The following RAB44 variants were observed in gnomAD, a reference collection of about 807,000 sequenced individuals.
RAB44 encodes ras-related protein Rab-44.
A neutral mutation model predicts 93.3 loss-of-function variants in RAB44; 67 were observed. That is an observed-to-expected ratio of 0.72 (90% CI 0.59 to 0.88). RAB44 has a LOEUF of 0.88. RAB44 is among the 40% of genes least tolerant of loss of function. The pLI, the probability that RAB44 is intolerant of heterozygous loss-of-function variation, is 0.00. For missense variants in RAB44, 1,064 were observed against 1,261.7 expected (o/e 0.84, Z 2.37); for synonymous variants, 427 against 520.3 (o/e 0.82, Z 2.44).
chr6:36,715,495 C>T lies in RAB44; in HGVS notation c.336C>T (p.Ser112=), dbSNP rs1042185721. ...GTCCCACAGAAAACATCTTTGGCTC[C>T]AGCCAGAGCCCCCACAGGCTCCGCA... ...FSSGLKNIFG[S]SQSPHRLRRR... is the part of the protein sequence containing the mutation. Residue 112 remains serine, a synonymous_variant, in exon 4 of 14, where the codon TCC becomes TCT. Transcript: ENST00000612677. The T allele has an allele frequency of 1.2e-5, 19 of 1,536,022 alleles. No individual in the cohort carries two copies. In the African/African-American group the frequency reaches 2.6e-4, roughly 21 times the overall value.
chr6:36,728,939 C>G, intron 12 of RAB44, 138 bp downstream of exon 12: 3 of 714,074 alleles, frequency 4.2e-6, no homozygotes, highest in Non-Finnish European at 7.3e-6. Context: ...CAACCAAAGG[C>G]CTGTTCAGAG....
At chr6:36,701,167 T>G (rs12526877) in intron 1 of RAB44, among the ~76,000 whole-genome samples, 76,579 of 152,064 alleles carry the variant, frequency 0.5, 19,517 homozygotes, top group East Asian at 0.63. Flanking sequence ...TAGAGTGCAG[T>G]GGTGCAATCT....
intron 9 of RAB44, among the ~76,000 whole-genome samples, chr6:36,724,690 AACC>A (rs1205482062): frequency 6.6e-6 from 1 of 151,958 alleles, no homozygotes; most frequent in Admixed American, 6.6e-5. Context: ...CCAACCAACC[AACC>A]AACCAGGCAA....
intron 2 of RAB44, 29 bp downstream of exon 2, chr6:36,704,471 G>A (rs1344654530): frequency 2.0e-6 from 3 of 1,523,232 alleles, no homozygotes; most frequent in Non-Finnish European, 2.6e-6. Context: ...TTTGAATGCT[G>A]AATCCCTTTT....
Position 36,715,536 on chromosome 6 carries a change from C to A in RAB44, c.377C>A (p.Pro126His), listed in dbSNP as rs1455220582. 4 of 1,536,164 alleles carry A rather than the reference C, an allele frequency of 2.6e-6. No homozygotes were observed. In the East Asian group the frequency reaches 9.8e-5, roughly 38 times the overall value. The change falls in exon 4 of 14, where the codon CCC (proline) becomes CAC (histidine). Residue 126 changes from proline (P) to histidine (H), a missense_variant. Transcript: ENST00000612677. ...AGGCTCCGCAGAAGGAAGCCACTGC[C>A]CTCTAAGCGGGTATCTGCTACCACC... ...PHRLRRRKPL[P>H]SKRVSATTSF...
At chr6:36,719,064 C>T (rs1763002988) in intron 7 of RAB44, among the ~76,000 whole-genome samples, 1 of 152,120 alleles carries the variant, frequency 6.6e-6, no homozygotes, top group African/African-American at 2.4e-5. Flanking sequence ...GGACTACAGG[C>T]GCCCATCACT....
At chr6:36,706,287 G>C (rs909364705) in intron 2 of RAB44, among the ~76,000 whole-genome samples, 1 of 152,168 alleles carries the variant, frequency 6.6e-6, no homozygotes, top group African/African-American at 2.4e-5. Context: ...CCTGGGATGT[G>C]GGACTTCGAG....
At position 36,721,258 on chromosome 6, in the gene RAB44, G is replaced by A. The variant is rs1165690114; in HGVS notation, c.1124G>A (p.Ser375Asn). 1 of 1,234,170 alleles carries A rather than the reference G, an allele frequency of 8.1e-7. No individual in the cohort carries two copies. The highest frequency in any genetic ancestry group is 3.2e-5 in the East Asian group (1 of 31,702). The allele number at this position is 1,234,170 out of a possible 1,614,324, so 76.5% of individuals were successfully genotyped here. The stretch of plus-strand genomic sequence containing the variant: ...AACGATGACTGGGACCAGCTACTGA[G>A]CAACTTTGGCAGCCCTCCGCACGGA... The part of the protein sequence containing the change: ...GDNDDWDQLL[S>N]NFGSPPHGAL... Residue 375 changes from serine to asparagine, a missense_variant, in exon 9 of 14, where the codon AGC becomes AAC. Ser to Asn is a conservative substitution (Grantham distance 46). Coordinates refer to ENST00000612677, the MANE Select transcript of RAB44 (RefSeq NM_001257357.2).
rs1208045720 is a variant in RAB44, at chr6:36,704,455, C to T, written c.207+13C>T. ...CGAGGACCTGGCGGTGAGCCCAAGA[C>T]CCCCATTTGAATGCTGAATCCCTTT... On this transcript the variant is annotated intron_variant, in intron 2 of 13. Transcript: ENST00000612677. 9 of 1,529,544 alleles carry T rather than the reference C, an allele frequency of 5.9e-6. No homozygotes were observed. The African/African-American group carries it at 9.6e-5, about 16-fold the overall frequency. The allele number at this position is 1,529,544 out of a possible 1,614,324, so 94.7% of individuals were successfully genotyped here. A position where few individuals can be genotyped will look rare whatever the true frequency, so the allele number is the denominator to read the frequency against.
In RAB44 at chr6:36,731,351, T is replaced by A. The variant is rs1211605827; in HGVS notation, c.2975+602T>A. 1.3e-5 allele frequency among the ~76,000 whole-genome samples: 2 copies of A among 152,204 alleles called. No individual in the cohort carries two copies. Among genetic ancestry groups the A allele is most frequent in the East Asian group, 3.8e-4 (2 of 5,198 alleles). ...TTAATGATATATGCATTTATCTGTT[T>A]TCTTGTTGTCCAGGAAGGCAGGGCC... On this transcript the variant is annotated intron_variant, in intron 13 of 13. Coordinates refer to ENST00000612677, the MANE Select transcript of RAB44 (RefSeq NM_001257357.2). The surrounding 1 kb of genome is among the most constrained non-coding windows in gnomAD (Gnocchi z 4.0).
intron 12 of RAB44, among the ~76,000 whole-genome samples, chr6:36,729,114 G>A (rs1763303258): frequency 6.6e-6 from 1 of 152,210 alleles, no homozygotes; most frequent in South Asian, 2.1e-4. Context: ...TAGCTTCAGA[G>A]TAAAAAGGTT....
chr6:36,732,169 C>A lies in RAB44; in HGVS notation c.*76C>A. On this transcript the variant is annotated 3_prime_UTR_variant, in exon 14 of 14. Coordinates refer to ENST00000612677, the MANE Select transcript of RAB44 (RefSeq NM_001257357.2). ...TCAGCTCCTGTCCTTTGTTCCTGGA[C>A]AGCAACGACACAGAGGACCAGCTTG... 1.0e-6 allele frequency: 1 copy of A among 952,490 alleles called. No homozygotes were observed. Among genetic ancestry groups the A allele is most frequent in the Non-Finnish European group, 1.4e-6 (1 of 731,616 alleles). 59.0% of individuals were successfully genotyped at this position (952,490 alleles called of 1,614,324 possible).
rs895092347 is a variant in RAB44 at position 36,718,101 on chromosome 6, C to A, written c.715C>A (p.Gln239Lys). 8.9e-6 allele frequency: 11 copies of A among 1,232,264 alleles called. No homozygotes were observed. Among genetic ancestry groups the A allele is most frequent in the Non-Finnish European group, 1.1e-5 (11 of 988,176 alleles). 76.3% of individuals were successfully genotyped at this position (1,232,264 alleles called of 1,614,324 possible). A position where few individuals can be genotyped will look rare whatever the true frequency, so the allele number is the denominator to read the frequency against. The stretch of plus-strand genomic sequence containing the variant: ...GGAGCAGCAGATCCGCCAGGAGAAG[C>A]AGCAGCTGCAGGCTGAGGTGGGCTC... ...EMEQQIRQEK[Q>K]QLQAESDSRG... Residue 239 changes from glutamine to lysine, a missense_variant, in exon 6 of 14, where the codon CAG (glutamine) becomes AAG (lysine). Transcript: ENST00000612677.
chr6:36,701,118 CT>C lies in RAB44; in HGVS notation c.-12-3099del, dbSNP rs376388770. Among the ~76,000 whole-genome samples the C allele has an allele frequency of 1.7e-3, 262 of 152,166 alleles. 1 individual carries two copies. The highest frequency in any genetic ancestry group is 6.8e-3 in the Middle Eastern group (2 of 294). Reference sequence around the variant, plus strand: ...GCCTCCCTGCTTTTTATTAGAAAGACTTTTTTTCTGAGACAGTGTCTCACTC... The same window carrying C: ...GCCTCCCTGCTTTTTATTAGAAAGACTTTTTTCTGAGACAGTGTCTCACTC... On this transcript the variant is annotated intron_variant, in intron 1 of 13. Coordinates refer to ENST00000612677, the MANE Select transcript of RAB44 (RefSeq NM_001257357.2).
chr6:36,714,591 C>T (rs951142620), intron 3 of RAB44, among the ~76,000 whole-genome samples: 1 of 152,244 alleles, frequency 6.6e-6, no homozygotes, highest in Non-Finnish European at 1.5e-5. Flanking sequence ...CGCTTGGGCC[C>T]ACTCCAGGAG....
chr6:36,715,584 C>A lies in RAB44; in HGVS notation c.425C>A (p.Ala142Glu). Residue 142 changes from alanine (A) to glutamate (E), a missense_variant, in exon 4 of 14, where the codon GCG becomes GAG. Ala to Glu is a moderately radical substitution (Grantham distance 107, BLOSUM62 -1). Coordinates refer to ENST00000612677, the MANE Select transcript of RAB44 (RefSeq NM_001257357.2). ...ACCAGCTTCCCAGCTCTGGAGGAGG[C>A]GGATGCTGAGGAGAAGGAGGCGTTC... Reference protein sequence around the residue: ...ATTSFPALEEADAEEKEAFLA... With the variant: ...ATTSFPALEEEDAEEKEAFLA... The A allele has an allele frequency of 6.5e-7, 1 of 1,536,168 alleles. No homozygotes were observed. The highest frequency in any genetic ancestry group is 1.4e-5 in the African/African-American group (1 of 73,160).
intron 4 of RAB44, among the ~76,000 whole-genome samples, chr6:36,716,013 A>G (rs1762911370): frequency 6.6e-6 from 1 of 152,160 alleles, no homozygotes. Context: ...TCTTAAAACC[A>G]TGGGGGTCCC....
chr6:36,725,033 G>T lies in RAB44; in HGVS notation c.2600-829G>T, dbSNP rs184818015. 1.8e-3 allele frequency among the ~76,000 whole-genome samples: 268 copies of T among 152,314 alleles called. 3 individuals carry two copies. The highest frequency in any genetic ancestry group is 6.1e-3 in the African/African-American group (254 of 41,560). ...CCATTTTACAGATGAGGAAAGCAGA[G>T]AATTGAAGACCTGGTTCAGTTTCTT... On this transcript the variant is annotated intron_variant, in intron 9 of 13. Coordinates refer to ENST00000612677, the MANE Select transcript of RAB44 (RefSeq NM_001257357.2).
At chr6:36,730,612 T>G (rs1763338698) in intron 12 of RAB44, 61 bp from the exon 13 acceptor site, 1 of 1,066,324 alleles carries the variant, frequency 9.4e-7, no homozygotes, top group Non-Finnish European at 1.2e-6. Flanking sequence ...TGGCGGGGTA[T>G]GGCCTGGCCT....
Sources: allele counts gnomAD v4.1 joint callset (sites outside exome capture counted in the v4.1 genomes callset), GRCh38; gene constraint gnomAD v4.1.1; non-coding constraint Gnocchi (gnomAD v3.1); transcripts MANE v1.5; gene names NCBI Gene and HGNC (gene_info 2026-07-23, HGNC 2026-07-21).